SCAP: variants seen among roughly 807,000 people sequenced by gnomAD.
SCAP encodes the protein sterol regulatory element-binding protein cleavage-activating protein.
In SCAP, 65 loss-of-function variants were observed where a neutral mutation model predicts 123.6. The observed-to-expected ratio is 0.53, with a 90% CI of 0.43 to 0.65. SCAP has a LOEUF of 0.65. Among genes scored for constraint, SCAP ranks in the 30% least tolerant of loss-of-function variants. The probability of loss-of-function intolerance (pLI) is 0.00; values close to 1 mark genes in which losing one functional copy is unlikely to be tolerated. For synonymous variants in SCAP, 740 were observed against 726.3 expected, an observed-to-expected ratio of 1.02 and a Z score of -0.30; for missense variants, 1,398 against 1,712.5, an observed-to-expected ratio of 0.82 and a Z score of 3.24.
At chr3:47,440,037 A>C (rs1214103997) in intron 2 of SCAP, among the ~76,000 whole-genome samples, 2 of 152,188 alleles carry the variant, frequency 1.3e-5, no homozygotes, top group Non-Finnish European at 2.9e-5. Context: ...ACTGCTCTGT[A>C]CTTTCCCTGG....
At chr3:47,452,733 A>G (rs972599970) in intron 1 of SCAP, among the ~76,000 whole-genome samples, 1 of 152,188 alleles carries the variant, frequency 6.6e-6, no homozygotes, top group African/African-American at 2.4e-5. Flanking sequence ...CCAAACCTGG[A>G]GCCCAAGAGT....
chr3:47,423,757 C>T (rs947308936), intron 9 of SCAP, among the ~76,000 whole-genome samples, 176 bp downstream of exon 9: 4 of 152,196 alleles, frequency 2.6e-5, no homozygotes, highest in African/African-American at 9.6e-5. Flanking sequence ...CCATGGCTCC[C>T]CAGGGCACAC....
chr3:47,457,455 T>C (rs1474908000), intron 1 of SCAP, among the ~76,000 whole-genome samples: 1 of 152,144 alleles, frequency 6.6e-6, no homozygotes, highest in Non-Finnish European at 1.5e-5. Flanking sequence ...TGAATCACCT[T>C]GTGTTCCCTA....
At chr3:47,461,259 G>A (rs1205612913) in intron 1 of SCAP, among the ~76,000 whole-genome samples, 11 of 152,134 alleles carry the variant, frequency 7.2e-5, no homozygotes, top group Admixed American at 7.2e-4. Context: ...ACATCTACAT[G>A]GTGCTCATTC....
intron 1 of SCAP, among the ~76,000 whole-genome samples, chr3:47,465,803 G>A (rs1428759775): frequency 6.8e-6 from 1 of 147,238 alleles, no homozygotes; most frequent in Admixed American, 7.0e-5. Flanking sequence ...TCCAATCCAT[G>A]AACGTGGGAT....
chr3:47,472,846 CG>C (rs773868505), intron 1 of SCAP, among the ~76,000 whole-genome samples: 2 of 151,870 alleles, frequency 1.3e-5, no homozygotes, highest in African/African-American at 2.4e-5. Context: ...TTTGGGAGGC[CG>C]AGGCGGGCGG....
intron 1 of SCAP, among the ~76,000 whole-genome samples, chr3:47,467,882 C>A (rs1204039028): frequency 6.7e-6 from 1 of 149,718 alleles, no homozygotes; most frequent in Non-Finnish European, 1.5e-5. Flanking sequence ...CCCCTCCCCC[C>A]ATCCCCCGGC....
chr3:47,428,517 C>G lies in SCAP; in HGVS notation c.406G>C (p.Asp136His), dbSNP rs1437648521. The change falls in exon 4 of 23, where the codon GAC (aspartate) becomes CAC (histidine). Residue 136 changes from aspartate to histidine, a missense_variant. This residue lies in a region of SCAP where 319 missense variants were observed against 432.4 expected (regional missense o/e 0.74). Coordinates refer to ENST00000265565, the MANE Select transcript of SCAP (RefSeq NM_012235.4). ...CAGGGTCCCTGAGAGGGGTACCTGT[C>G]TCTCAGCACGTGGTTCCGGATCTCC... The part of the protein sequence containing the change: ...VEEIRNHVLR[D>H]SSGIRSLEEL... 2 of 1,614,000 alleles carry G rather than the reference C, an allele frequency of 1.2e-6. No individual in the cohort carries two copies. The highest frequency in any genetic ancestry group is 1.1e-5 in the South Asian group (1 of 91,062).
chr3:47,457,690 G>A (rs900379927), intron 1 of SCAP, among the ~76,000 whole-genome samples: 3 of 150,514 alleles, frequency 2.0e-5, no homozygotes, highest in Admixed American at 1.3e-4. Context: ...GGTGGGTCAC[G>A]AGGTCAGGAG....
rs1371750894 is a variant in SCAP at position 47,420,314 on chromosome 3, A to AG, written c.1563+239dup. Among the ~76,000 whole-genome samples, 1 of 152,132 alleles carries AG rather than the reference A, an allele frequency of 6.6e-6. No homozygotes were observed. Among genetic ancestry groups the AG allele is most frequent in the African/African-American group, 2.4e-5 (1 of 41,430 alleles). On this transcript the variant is annotated intron_variant, in intron 12 of 22. Coordinates refer to ENST00000265565, the MANE Select transcript of SCAP (RefSeq NM_012235.4). This position sits in a 1 kb window ranked among gnomAD's most constrained non-coding sequence, Gnocchi z 5.0. Reference sequence around the variant, plus strand: ...GCTCCTGTCCTGGGCCACTCTGGGGAGAGGATGGCTCCTGTACCTGAGAAC... The same window carrying AG: ...GCTCCTGTCCTGGGCCACTCTGGGGAGGAGGATGGCTCCTGTACCTGAGAAC...
chr3:47,417,440 G>T lies in SCAP; in HGVS notation c.2834C>A (p.Ala945Asp). 6.4e-7 allele frequency: 1 copy of T among 1,555,124 alleles called. No homozygotes were observed. Among genetic ancestry groups the T allele is most frequent in the Non-Finnish European group, 8.7e-7 (1 of 1,150,512 alleles). ...PPSPGPVLSQ[A>D]PEDEGGSPEK... is the part of the protein sequence containing the mutation. Reference sequence around the variant, plus strand: ...GGGGGAGCCACCCTCGTCCTCAGGGGCCTGGGACAGCACCGGCCCAGGCGA... The same window carrying T: ...GGGGGAGCCACCCTCGTCCTCAGGGTCCTGGGACAGCACCGGCCCAGGCGA... The change falls in exon 17 of 23, where the codon GCC becomes GAC. Residue 945 changes from alanine to aspartate, a missense_variant. Transcript: ENST00000265565.
intron 1 of SCAP, among the ~76,000 whole-genome samples, chr3:47,462,753 C>CAAAAA (rs369097240): frequency 2.5e-5 from 2 of 79,590 alleles, no homozygotes; most frequent in African/African-American, 5.1e-5. Context: ...AACTCCGTCT[C>CAAAAA]AAAAAAAAAA....
At chr3:47,441,336 C>T (rs193193624) in intron 2 of SCAP, among the ~76,000 whole-genome samples, 71 of 152,180 alleles carry the variant, frequency 4.7e-4, no homozygotes, top group East Asian at 2.7e-3. Context: ...AGTGTGGTGG[C>T]GCACACCTGT....
chr3:47,458,624 G>T (rs1193769561), intron 1 of SCAP, among the ~76,000 whole-genome samples: 2 of 152,150 alleles, frequency 1.3e-5, no homozygotes, highest in Non-Finnish European at 2.9e-5. Context: ...TTAGTTGGTT[G>T]TAATGGTTGT....
chr3:47,413,885 T>C lies in SCAP; in HGVS notation c.3809A>G (p.Tyr1270Cys). The C allele has an allele frequency of 1.2e-6, 2 of 1,613,066 alleles. No homozygotes were observed. Among genetic ancestry groups the C allele is most frequent in the Non-Finnish European group, 8.5e-7 (1 of 1,180,000 alleles). ...CAGCTTCTCCAGCACAGAGGGCACA[T>C]ACACCAGGCTGAGCTCACTGCCAAA... ...CNFGSELSLV[Y>C]VPSVLEKLD is the part of the protein sequence containing the mutation. Residue 1270 changes from tyrosine to cysteine, a missense_variant, in exon 23 of 23, where the codon TAT (tyrosine) becomes TGT (cysteine). Around this residue, in one of 7 missense-constraint regions of SCAP, gnomAD observed 130 missense variants for 166.7 expected, o/e 0.78. Coordinates refer to ENST00000265565, the MANE Select transcript of SCAP (RefSeq NM_012235.4).
In SCAP at chr3:47,432,950, T is replaced by C. The variant is rs543875621; in HGVS notation, c.252+2058A>G. Among the ~76,000 whole-genome samples, 69 of 152,318 alleles carry C rather than the reference T, an allele frequency of 4.5e-4. 1 individual carries two copies. The highest frequency in any genetic ancestry group is 1.6e-3 in the African/African-American group (65 of 41,578). On this transcript the variant is annotated intron_variant, in intron 3 of 22. Transcript: ENST00000265565. ...GGGGACAGGCAGGTAACCCTATTCA[T>C]AGCCAACTGGGCTCCCTTTTATCCT...
intron 2 of SCAP, among the ~76,000 whole-genome samples, chr3:47,435,780 G>A (rs1342300634): frequency 6.6e-6 from 1 of 152,118 alleles, no homozygotes; most frequent in Non-Finnish European, 1.5e-5. Context: ...TGGGCGCAGT[G>A]GGTTATGCCT....
At position 47,442,901 on chromosome 3, in the gene SCAP, G is replaced by A. The variant is rs759636321; in HGVS notation, c.93C>T (p.Leu31=). The part of the protein sequence containing the change: ...LCASYPIPII[L]FTGFCILACC... ...AGGCTAAGATGCAGAACCCTGTGAA[G>A]AGGATGATGGGGATGGGATAGGATG... Residue 31 remains leucine (L), a synonymous_variant, in exon 2 of 23, where the codon CTC becomes CTT. Transcript: ENST00000265565. The A allele has an allele frequency of 6.2e-7, 1 of 1,614,218 alleles. No homozygotes were observed. Among genetic ancestry groups the A allele is most frequent in the Admixed American group, 1.7e-5 (1 of 60,028 alleles).
Position 47,418,565 on chromosome 3 carries a change from T to TGTCCC in SCAP, c.2130-48_2130-44dup, listed in dbSNP as rs1705746515. On this transcript the variant is annotated intron_variant, in intron 14 of 22. Coordinates refer to ENST00000265565, the MANE Select transcript of SCAP (RefSeq NM_012235.4). ...CTGCTGTGAGACACACCTCACAGCC[T>TGTCCC]GTCCCCTCCCCTCCTCCCTCTCCCC... The TGTCCC allele has an allele frequency of 1.9e-6, 3 of 1,557,156 alleles. No individual in the cohort carries two copies. In the African/African-American group the frequency reaches 4.1e-5, roughly 21 times the overall value.
Sources: gnomAD v4.1 joint callset for allele counts (sites outside exome capture counted in the v4.1 genomes callset) on GRCh38, gnomAD v4.1.1 for gene constraint, gnomAD v4.1.1 regional missense constraint, Gnocchi (gnomAD v3.1) non-coding constraint, MANE v1.5 for transcripts, NCBI Gene and HGNC (gene_info 2026-07-23, HGNC 2026-07-21) for gene names.